KCNN3: variants seen among roughly 807,000 people sequenced by gnomAD.
KCNN3 encodes the protein small conductance calcium-activated potassium channel protein 3.
A neutral mutation model predicts 62.9 loss-of-function variants in KCNN3; 16 were observed. The ratio of observed to expected loss-of-function variants is 0.25; its 90% CI spans 0.17 to 0.39. KCNN3 has a LOEUF of 0.39. Among genes scored for constraint, KCNN3 ranks in the 10% least tolerant of loss-of-function variants. The pLI is 1.00. For synonymous variants in KCNN3, 370 were observed against 389.2 expected (o/e 0.95, Z 0.58); for missense variants, 599 against 949.4 (o/e 0.63, Z 4.85).
intron 5 of KCNN3, among the ~76,000 whole-genome samples, chr1:154,721,016 C>CAGGGAAGTTAGGAGAAGGAAATAGTTT: frequency 6.6e-6 from 1 of 152,156 alleles, no homozygotes; most frequent in African/African-American, 2.4e-5. Context: ...AGGAGCACAC[C>CAGGGAAGTTAGGAGAAGGAAATAGTTT]AGGGAAGTTA....
intron 3 of KCNN3, 113 bp downstream of exon 3, chr1:154,771,862 C>A: frequency 2.9e-6 from 3 of 1,052,084 alleles, no homozygotes; most frequent in Middle Eastern, 4.0e-4. Flanking sequence ...TTTCAGGTGT[C>A]TGGGTACATG....
intron 2 of KCNN3, among the ~76,000 whole-genome samples, chr1:154,806,482 C>T (rs1307135999): frequency 6.6e-6 from 1 of 152,236 alleles, no homozygotes; most frequent in Admixed American, 6.5e-5. Context: ...GAAACAGACT[C>T]AGGGAAATTC....
intron 3 of KCNN3, among the ~76,000 whole-genome samples, chr1:154,745,048 C>T (rs1700910548): frequency 6.6e-6 from 1 of 152,094 alleles, no homozygotes; most frequent in African/African-American, 2.4e-5. Flanking sequence ...AACCACGTGC[C>T]CAGGACACCA....
chr1:154,738,156 C>CT (rs1308184607), intron 3 of KCNN3, among the ~76,000 whole-genome samples: 2 of 152,056 alleles, frequency 1.3e-5, no homozygotes, highest in Non-Finnish European at 2.9e-5. Flanking sequence ...AGATGCACAC[C>CT]AAGGCACATT....
intron 3 of KCNN3, among the ~76,000 whole-genome samples, chr1:154,762,740 G>A (rs749799747): frequency 6.6e-5 from 10 of 152,052 alleles, no homozygotes; most frequent in Non-Finnish European, 1.2e-4. Context: ...TCCTCTCAGG[G>A]CTGATTAAAT....
rs762105493 is a variant in KCNN3, at chr1:154,868,990, A to T, written c.933+42T>A. ...TCAATCCCTCTCTTGCTACCTACAT[A>T]TTCCTTTTGTTCAAGGTATAAAGAG... On this transcript the variant is annotated intron_variant, in intron 1 of 7. Coordinates refer to ENST00000271915, the MANE Select transcript of KCNN3 (RefSeq NM_002249.6). 9 of 1,589,818 alleles carry T rather than the reference A, an allele frequency of 5.7e-6. No homozygotes were observed. In the South Asian group the frequency reaches 9.9e-5, roughly 18 times the overall value.
At chr1:154,713,101 G>A (rs975796398) in intron 7 of KCNN3, among the ~76,000 whole-genome samples, 9 of 152,118 alleles carry the variant, frequency 5.9e-5, no homozygotes, top group African/African-American at 1.9e-4. Context: ...CATCGTTACC[G>A]TCTGGTCCTT....
intron 1 of KCNN3, among the ~76,000 whole-genome samples, chr1:154,863,159 T>G (rs938860978): frequency 3.3e-5 from 5 of 152,148 alleles, no homozygotes; most frequent in Admixed American, 2.6e-4. Context: ...GCGTGGTCCC[T>G]GCCCCCAGCT....
At chr1:154,825,676 T>G (rs1042202788) in intron 1 of KCNN3, among the ~76,000 whole-genome samples, 10 of 151,392 alleles carry the variant, frequency 6.6e-5, no homozygotes, top group East Asian at 2.0e-4. Context: ...CTGAGAGTCA[T>G]GTTTTAAAGT....
chr1:154,818,265 A>C (rs761403356), intron 2 of KCNN3, among the ~76,000 whole-genome samples: 3 of 152,152 alleles, frequency 2.0e-5, no homozygotes, highest in Non-Finnish European at 2.9e-5. Context: ...GCGGGAAACC[A>C]ACCCCTTCTT....
rs1699961165 is a variant in KCNN3, at chr1:154,706,105, GC to G, written c.*1870del. ...GTGTTCAAAGGAATTATCAAGGCAG[GC>G]CATTAAGACTATAAACCATCAAAAG... On this transcript the variant is annotated 3_prime_UTR_variant, in exon 8 of 8. Coordinates refer to ENST00000271915, the MANE Select transcript of KCNN3 (RefSeq NM_002249.6). 6.6e-6 allele frequency: 1 copy of G among 152,182 alleles called. No homozygotes were observed. The highest frequency in any genetic ancestry group is 1.5e-5 in the Non-Finnish European group (1 of 68,046). The allele number at this position is 152,182 out of a possible 1,614,324, so 9.4% of individuals were successfully genotyped here. A position where few individuals can be genotyped will look rare whatever the true frequency, so the allele number is the denominator to read the frequency against.
chr1:154,857,335 G>C (rs910131725), intron 1 of KCNN3, among the ~76,000 whole-genome samples: 18 of 152,172 alleles, frequency 1.2e-4, no homozygotes, highest in African/African-American at 3.9e-4. Flanking sequence ...CCCCTCCAGG[G>C]CCCACAGGAG....
rs1699895067 is a variant in KCNN3, at chr1:154,703,213, C to T, written c.*4763G>A. ...ATTCATGCAGCCTGGCACAAGCTTT[C>T]TACTACCACAAGCAGACAGTTACTA... is the stretch of plus-strand genomic sequence containing the variant. On this transcript the variant is annotated 3_prime_UTR_variant, in exon 8 of 8. Coordinates refer to ENST00000271915, the MANE Select transcript of KCNN3 (RefSeq NM_002249.6). 1 of 152,136 alleles carries T rather than the reference C, an allele frequency of 6.6e-6. No homozygotes were observed. Among genetic ancestry groups the T allele is most frequent in the Non-Finnish European group, 1.5e-5 (1 of 68,022 alleles). The allele number at this position is 152,136 out of a possible 1,614,324, so 9.4% of individuals were successfully genotyped here. A position where few individuals can be genotyped will look rare whatever the true frequency, so the allele number is the denominator to read the frequency against.
chr1:154,833,138 C>A (rs994102170), intron 1 of KCNN3, among the ~76,000 whole-genome samples: 1 of 152,126 alleles, frequency 6.6e-6, no homozygotes, highest in Non-Finnish European at 1.5e-5. Flanking sequence ...AACACTAGGG[C>A]CCCAGCTGAA....
intron 1 of KCNN3, chr1:154,859,880 A>T (rs768247222): frequency 4.7e-6 from 7 of 1,502,046 alleles, no homozygotes; most frequent in Non-Finnish European, 6.2e-6. Context: ...GTCCTTTAAG[A>T]AAAATGCCCA....
Position 154,772,480 on chromosome 1 carries a change from C to T in KCNN3, c.1030-87G>A. The T allele has an allele frequency of 7.2e-7, 1 of 1,392,556 alleles. No homozygotes were observed. 86.3% of individuals were successfully genotyped at this position (1,392,556 alleles called of 1,614,324 possible). ...GCAGGACAGGTGGGGCAGGCTGGGG[C>T]AGGCTGCTGGGCTCAGGTCAGCCTG... is the stretch of plus-strand genomic sequence containing the variant. On this transcript the variant is annotated intron_variant, in intron 2 of 7. Coordinates refer to ENST00000271915, the MANE Select transcript of KCNN3 (RefSeq NM_002249.6). The surrounding 1 kb of genome is among the most constrained non-coding windows in gnomAD (Gnocchi z 5.6).
intron 2 of KCNN3, among the ~76,000 whole-genome samples, chr1:154,821,157 A>G (rs1180593785): frequency 6.6e-6 from 1 of 152,138 alleles, no homozygotes; most frequent in East Asian, 1.9e-4. Context: ...ACACACCAAG[A>G]AAAAAGGTCA....
At chr1:154,784,937 T>C (rs944738558) in intron 2 of KCNN3, among the ~76,000 whole-genome samples, 1 of 139,020 alleles carries the variant, frequency 7.2e-6, no homozygotes, top group Non-Finnish European at 1.5e-5. Flanking sequence ...GGCAGGCAGC[T>C]CTCTTGACTA....
At chr1:154,740,462 C>T (rs1236463332) in intron 3 of KCNN3, among the ~76,000 whole-genome samples, 1 of 152,186 alleles carries the variant, frequency 6.6e-6, no homozygotes, top group Non-Finnish European at 1.5e-5. Context: ...CATTCTTAAT[C>T]ATAGCTCCTG....
Sources: allele counts gnomAD v4.1 joint callset (sites outside exome capture counted in the v4.1 genomes callset), GRCh38; gene constraint gnomAD v4.1.1; non-coding constraint Gnocchi (gnomAD v3.1); transcripts MANE v1.5; gene names NCBI Gene and HGNC (gene_info 2026-07-23, HGNC 2026-07-21).